Variants in FOXK1 observed in about 807,000 individuals in gnomAD.
FOXK1 encodes the protein forkhead box protein K1.
In FOXK1, 19 loss-of-function variants were observed where a neutral mutation model predicts 51.9. That is an observed-to-expected ratio of 0.37 (90% CI 0.26 to 0.54). The LOEUF (loss-of-function observed/expected upper bound fraction) is 0.54, where lower values mean the gene tolerates loss of function less well. Among genes scored for constraint, FOXK1 ranks in the 20% least tolerant of loss-of-function variants. FOXK1 has a pLI of 0.87. For synonymous variants in FOXK1, 537 were observed against 482.6 expected (o/e 1.11, Z -1.48); for missense variants, 870 against 1,032.7 (o/e 0.84, Z 2.16).
In FOXK1 at chr7:4,759,558, G is replaced by T; in HGVS notation, c.1659G>T (p.Ala553=). The T allele has an allele frequency of 6.5e-7, 1 of 1,540,992 alleles. No individual in the cohort carries two copies. Among genetic ancestry groups the T allele is most frequent in the Non-Finnish European group, 8.7e-7 (1 of 1,149,046 alleles). ...CGGCGGGGGGCTCCCATGATGCGGC[G>T]GGCGCAGCCGTGCTGGACCTGGGCA... The part of the protein sequence containing the change: ...QGAAGGSHDA[A]GAAVLDLGSE... Residue 553 remains alanine, a synonymous_variant, in exon 7 of 9, where the codon GCG becomes GCT. Coordinates refer to ENST00000328914, the MANE Select transcript of FOXK1 (RefSeq NM_001037165.2).
Position 4,688,980 on chromosome 7 carries a change from T to C in FOXK1, c.560+6112T>C, listed in dbSNP as rs1191425295. Among the ~76,000 whole-genome samples, 37 of 127,532 alleles carry C rather than the reference T, an allele frequency of 2.9e-4. 2 individuals carry two copies. The highest frequency in any genetic ancestry group is 5.4e-4 in the Non-Finnish European group (29 of 53,518). 83.7% of individuals were successfully genotyped at this position (127,532 alleles called of 152,430 possible). ...TCCCTTAATTTGTTCTCACCTGCAC[T>C]TTTTTTTTTTTTTGAGATGGAGTTT... On this transcript the variant is annotated intron_variant, in intron 1 of 8. Coordinates refer to ENST00000328914, the MANE Select transcript of FOXK1 (RefSeq NM_001037165.2).
intron 1 of FOXK1, among the ~76,000 whole-genome samples, chr7:4,721,180 C>G (rs961926708): frequency 5.9e-5 from 9 of 152,218 alleles, no homozygotes; most frequent in African/African-American, 2.2e-4. Flanking sequence ...GTTCTCCGTT[C>G]AGTCTGCACG....
rs1780425029 is a variant in FOXK1 at position 4,729,645 on chromosome 7, G to A, written c.561-11193G>A. On this transcript the variant is annotated intron_variant, in intron 1 of 8. Transcript: ENST00000328914. This position sits in a 1 kb window ranked among gnomAD's most constrained non-coding sequence, Gnocchi z 6.2. ...CTATCCTAATTCAGTGAGGTCTCTC[G>A]CCACCTTCCTCCAGGGTCTTCCTGA... 6.6e-6 allele frequency among the ~76,000 whole-genome samples: 1 copy of A among 152,136 alleles called. No homozygotes were observed. The highest frequency in any genetic ancestry group is 1.5e-5 in the Non-Finnish European group (1 of 68,006).
At chr7:4,759,706 C>T in intron 7 of FOXK1, 111 bp downstream of exon 7, 1 of 1,263,488 alleles carries the variant, frequency 7.9e-7, no homozygotes, top group Non-Finnish European at 1.1e-6. Flanking sequence ...GAGGATGATT[C>T]TCTGCTTCTG....
rs552779640 is a variant in FOXK1, at chr7:4,704,698, G to A, written c.560+21830G>A. Among the ~76,000 whole-genome samples the A allele has an allele frequency of 4.6e-5, 7 of 152,122 alleles. No individual in the cohort carries two copies. The South Asian group carries it at 1.0e-3, about 23-fold the overall frequency. On this transcript the variant is annotated intron_variant, in intron 1 of 8. Transcript: ENST00000328914. ...CAGCGTCAGGCTGTGCTCGGATCAC[G>A]GGCCCATCTGTAGTTATACTTTTTA... is the stretch of plus-strand genomic sequence containing the variant.
chr7:4,736,703 C>T (rs1490023731), intron 1 of FOXK1, among the ~76,000 whole-genome samples: 1 of 152,164 alleles, frequency 6.6e-6, no homozygotes, highest in African/African-American at 2.4e-5. Context: ...CCTGAGCCTC[C>T]GTGCCCAGCC....
In FOXK1 at chr7:4,743,926, G is replaced by T. The variant is rs1780668118; in HGVS notation, c.746+2903G>T. ...GAGTCTTGCTCTGTCGCCCAGGCTG[G>T]AGTGCAGTGGCGTGATCTTGGCTCA... On this transcript the variant is annotated intron_variant, in intron 2 of 8. Transcript: ENST00000328914. This position sits in a 1 kb window ranked among gnomAD's most constrained non-coding sequence, Gnocchi z 5.3. Among the ~76,000 whole-genome samples the T allele has an allele frequency of 6.6e-6, 1 of 151,650 alleles. No homozygotes were observed. Among genetic ancestry groups the T allele is most frequent in the Non-Finnish European group, 1.5e-5 (1 of 67,926 alleles).
chr7:4,728,222 T>C (rs1204157884), intron 1 of FOXK1, among the ~76,000 whole-genome samples: 2 of 152,186 alleles, frequency 1.3e-5, no homozygotes, highest in Non-Finnish European at 2.9e-5. Flanking sequence ...ATTCTTTGGA[T>C]CATCGATCCT....
Position 4,759,035 on chromosome 7 carries a change from C to G in FOXK1, c.1245-16C>G. On this transcript the variant is annotated splice_polypyrimidine_tract_variant and intron_variant, in intron 5 of 8. Coordinates refer to ENST00000328914, the MANE Select transcript of FOXK1 (RefSeq NM_001037165.2). ...AGCGCGGGCGCTGACTGCCGCGGCCCTTGCCTGTCTTCCAGGAGCGCTCCA... is the reference window on the plus strand; with the variant it reads ...AGCGCGGGCGCTGACTGCCGCGGCCGTTGCCTGTCTTCCAGGAGCGCTCCA... The G allele has an allele frequency of 1.3e-6, 2 of 1,576,394 alleles. No individual in the cohort carries two copies. Among genetic ancestry groups the G allele is most frequent in the African/African-American group, 2.7e-5 (2 of 74,190 alleles).
At position 4,756,038 on chromosome 7, in the gene FOXK1, C is replaced by G. The variant is rs996183423; in HGVS notation, c.1050+655C>G. Among the ~76,000 whole-genome samples, 6 of 152,224 alleles carry G rather than the reference C, an allele frequency of 3.9e-5. No homozygotes were observed. Among genetic ancestry groups the G allele is most frequent in the Non-Finnish European group, 8.8e-5 (6 of 68,052 alleles). On this transcript the variant is annotated intron_variant, in intron 4 of 8. Transcript: ENST00000328914. This position sits in a 1 kb window ranked among gnomAD's most constrained non-coding sequence, Gnocchi z 4.1. ...ATTTTAAGAGCTTTGTCCACACCAG[C>G]CATGACTGATGCATGTTGCATTTGC...
rs1780524197 is a variant in FOXK1, at chr7:4,734,450, A to C, written c.561-6388A>C. Reference sequence around the variant, plus strand: ...TGCTCTGTGGCTTCCACCACTCCCCAGATCGTCTGCTTCCTCCTTGCCCCT... The same window carrying C: ...TGCTCTGTGGCTTCCACCACTCCCCCGATCGTCTGCTTCCTCCTTGCCCCT... On this transcript the variant is annotated intron_variant, in intron 1 of 8. Transcript: ENST00000328914. The surrounding 1 kb of genome is among the most constrained non-coding windows in gnomAD (Gnocchi z 5.2). 6.6e-6 allele frequency among the ~76,000 whole-genome samples: 1 copy of C among 152,116 alleles called. No homozygotes were observed. The highest frequency in any genetic ancestry group is 2.4e-5 in the African/African-American group (1 of 41,430).
At chr7:4,694,612 C>G (rs1779930750) in intron 1 of FOXK1, among the ~76,000 whole-genome samples, 1 of 152,156 alleles carries the variant, frequency 6.6e-6, no homozygotes, top group Non-Finnish European at 1.5e-5. Context: ...GGGGCTTGGT[C>G]TTTATTTTTG....
intron 1 of FOXK1, among the ~76,000 whole-genome samples, chr7:4,706,189 C>G (rs1336451894): frequency 6.6e-6 from 1 of 151,812 alleles, no homozygotes; most frequent in Non-Finnish European, 1.5e-5. Flanking sequence ...GCGCGTTTTC[C>G]TCCTGTTTCC....
intron 1 of FOXK1, among the ~76,000 whole-genome samples, chr7:4,705,907 A>C (rs1780084229): frequency 1.3e-5 from 2 of 149,010 alleles, no homozygotes; most frequent in Non-Finnish European, 1.5e-5. Context: ...CTTTTAGGTT[A>C]TATATCTATA....
At position 4,753,989 on chromosome 7, in the gene FOXK1, C is replaced by T. The variant is rs2115070456; in HGVS notation, c.747-470C>T. ...TCACCCTGCAGGGCGATGGCACCTC[C>T]ACAGCCTCTTTCCAGGATCTGCCTC... On this transcript the variant is annotated intron_variant, in intron 2 of 8. Transcript: ENST00000328914. This position sits in a 1 kb window ranked among gnomAD's most constrained non-coding sequence, Gnocchi z 4.9. 6.6e-6 allele frequency among the ~76,000 whole-genome samples: 1 copy of T among 152,328 alleles called. No individual in the cohort carries two copies. The highest frequency in any genetic ancestry group is 2.1e-4 in the South Asian group (1 of 4,828).
chr7:4,762,855 C>G lies in FOXK1; in HGVS notation c.*391C>G, dbSNP rs1780955641. 4 of 200,900 alleles carry G rather than the reference C, an allele frequency of 2.0e-5. No homozygotes were observed. In the East Asian group the frequency reaches 4.7e-4, roughly 24 times the overall value. The allele number at this position is 200,900 out of a possible 1,614,324, so 12.4% of individuals were successfully genotyped here. ...AGCCGCCTTTGTCCGGGAGGACAGA[C>G]AGAAACGCAGCAAGGCACACACCAA... On this transcript the variant is annotated 3_prime_UTR_variant, in exon 9 of 9. Coordinates refer to ENST00000328914, the MANE Select transcript of FOXK1 (RefSeq NM_001037165.2). This position sits in a 1 kb window ranked among gnomAD's most constrained non-coding sequence, Gnocchi z 5.7.
rs1035519598 is a variant in FOXK1 at position 4,735,625 on chromosome 7, A to C, written c.561-5213A>C. 7.9e-5 allele frequency among the ~76,000 whole-genome samples: 12 copies of C among 152,026 alleles called. No individual in the cohort carries two copies. The Middle Eastern group carries it at 0.017, about 217-fold the overall frequency. ...CAGATGGGCACTTGCTCGTACAGGAACCTTTCCGCCGGGCTGGTGGACGGA... is the reference window on the plus strand; with the variant it reads ...CAGATGGGCACTTGCTCGTACAGGACCCTTTCCGCCGGGCTGGTGGACGGA... On this transcript the variant is annotated intron_variant, in intron 1 of 8. Transcript: ENST00000328914. This position sits in a 1 kb window ranked among gnomAD's most constrained non-coding sequence, Gnocchi z 4.7.
In FOXK1 at chr7:4,755,224, T is replaced by G. The variant is rs779267381; in HGVS notation, c.904-13T>G. On this transcript the variant is annotated splice_polypyrimidine_tract_variant and intron_variant, in intron 3 of 8. Coordinates refer to ENST00000328914, the MANE Select transcript of FOXK1 (RefSeq NM_001037165.2). This position sits in a 1 kb window ranked among gnomAD's most constrained non-coding sequence, Gnocchi z 6.6. ...TTGCTGGAGCTCATCCCGTGAGCCG[T>G]GTTTCTCCGCAGGATGAGTCAAAGC... 6.2e-7 allele frequency: 1 copy of G among 1,612,816 alleles called. No individual in the cohort carries two copies. The highest frequency in any genetic ancestry group is 1.1e-5 in the South Asian group (1 of 91,070).
chr7:4,708,534 A>G (rs1240858089), intron 1 of FOXK1, among the ~76,000 whole-genome samples: 1 of 152,256 alleles, frequency 6.6e-6, no homozygotes, highest in South Asian at 2.1e-4. Context: ...ATGGCAGAAC[A>G]AGAACTAAAG....
Sources: allele counts gnomAD v4.1 joint callset (sites outside exome capture counted in the v4.1 genomes callset), GRCh38; gene constraint gnomAD v4.1.1; non-coding constraint Gnocchi (gnomAD v3.1); transcripts MANE v1.5; gene names NCBI Gene and HGNC (gene_info 2026-07-23, HGNC 2026-07-21).